Variants in SULF1 observed in about 807,000 individuals in gnomAD.
SULF1 encodes the protein extracellular sulfatase Sulf-1.
In SULF1, 46 loss-of-function variants were observed where a neutral mutation model predicts 110.5. The ratio of observed to expected loss-of-function variants is 0.42; its 90% CI spans 0.33 to 0.53. The LOEUF (loss-of-function observed/expected upper bound fraction) is 0.53, where lower values mean the gene tolerates loss of function less well. SULF1 is among the 20% of genes least tolerant of loss of function. The probability of loss-of-function intolerance (pLI) is 0.12; values close to 1 mark genes in which losing one functional copy is unlikely to be tolerated. For missense variants in SULF1, 941 were observed against 1,094.2 expected, an observed-to-expected ratio of 0.86 and a Z score of 1.98; for synonymous variants, 371 against 387.1, an observed-to-expected ratio of 0.96 and a Z score of 0.49.
chr8:69,635,656 G>T (rs1045132387), intron 19 of SULF1, among the ~76,000 whole-genome samples: 1 of 152,158 alleles, frequency 6.6e-6, no homozygotes, highest in Non-Finnish European at 1.5e-5. Flanking sequence ...CAGATCGCTT[G>T]AGTGTCGGAG....
In SULF1 at chr8:69,629,526, A is replaced by G. The variant is rs1286513947; in HGVS notation, c.2131A>G (p.Ser711Gly). 6.2e-7 allele frequency: 1 copy of G among 1,613,464 alleles called. No individual in the cohort carries two copies. The highest frequency in any genetic ancestry group is 1.3e-5 in the African/African-American group (1 of 75,008). Reference protein sequence around the residue: ...PFKEAAQEVDSKLQLFKENNR... With the variant: ...PFKEAAQEVDGKLQLFKENNR... ...CAGGGAGGCTGCTCAGGAAGTAGAT[A>G]GCAAACTGCAACTTTTCAAGGAGAA... Residue 711 changes from serine (S) to glycine (G), a missense_variant, in exon 19 of 23, where the codon AGC (serine) becomes GGC (glycine). Coordinates refer to ENST00000402687, the MANE Select transcript of SULF1 (RefSeq NM_001128205.2).
At position 69,648,150 on chromosome 8, in the gene SULF1, AAAAC is replaced by A. The variant is rs568854075; in HGVS notation, c.2585+7313_2585+7316del. 7.6e-3 allele frequency among the ~76,000 whole-genome samples: 1,148 copies of A among 151,414 alleles called. 11 individuals are homozygous for A. The highest frequency in any genetic ancestry group is 0.026 in the African/African-American group (1,077 of 41,006). On this transcript the variant is annotated intron_variant, in intron 22 of 22. Transcript: ENST00000402687. ...ACCCTGTGCCTTCAGAAAAAAAAAA[AAAAC>A]AAAGAGCTCAGCAAAACATGGAAGG...
intron 3 of SULF1, among the ~76,000 whole-genome samples, chr8:69,505,947 T>C (rs1811161063): frequency 1.3e-5 from 2 of 152,116 alleles, no homozygotes; most frequent in South Asian, 2.1e-4. Context: ...CTTTTCTTTA[T>C]AAGTATATAC....
chr8:69,658,252 C>T (rs571671200), intron 22 of SULF1, among the ~76,000 whole-genome samples: 2 of 152,232 alleles, frequency 1.3e-5, no homozygotes, highest in South Asian at 2.1e-4. Flanking sequence ...CTGAAAGGAC[C>T]GTGCCATTTT....
intron 3 of SULF1, among the ~76,000 whole-genome samples, chr8:69,545,758 A>G (rs1368144521): frequency 6.6e-6 from 1 of 152,088 alleles, no homozygotes. Context: ...GTGCAATGGC[A>G]CAATCTTGGC....
chr8:69,607,754 A>G, intron 13 of SULF1, among the ~76,000 whole-genome samples: 1 of 152,220 alleles, frequency 6.6e-6, no homozygotes, highest in East Asian at 1.9e-4. Context: ...TGGCGACAGT[A>G]TCCCTGACTT....
At chr8:69,575,720 C>G (rs1805560569) in intron 5 of SULF1, among the ~76,000 whole-genome samples, 1 of 151,748 alleles carries the variant, frequency 6.6e-6, no homozygotes, top group African/African-American at 2.4e-5. Flanking sequence ...ATCAGATTAG[C>G]CTGCATTTTT....
intron 22 of SULF1, among the ~76,000 whole-genome samples, chr8:69,644,475 C>A (rs745927272): frequency 1.3e-5 from 2 of 152,090 alleles, no homozygotes; most frequent in Non-Finnish European, 2.9e-5. Flanking sequence ...TTCACCAGCA[C>A]CACCAAACTC....
rs781717899 is a variant in SULF1, at chr8:69,544,038, G to T, written c.-133-19501G>T. ...GTTTATCAAATTATATTCATTTCAT[G>T]GTAGTTATGCATAAATCAAATTGGC... is the stretch of plus-strand genomic sequence containing the variant. On this transcript the variant is annotated intron_variant, in intron 3 of 22. Transcript: ENST00000402687. 3.2e-4 allele frequency among the ~76,000 whole-genome samples: 48 copies of T among 152,120 alleles called. 1 individual carries two copies. The highest frequency in any genetic ancestry group is 5.1e-4 in the Non-Finnish European group (35 of 68,006).
chr8:69,629,105 C>A (rs1810325095), intron 18 of SULF1, among the ~76,000 whole-genome samples: 1 of 152,142 alleles, frequency 6.6e-6, no homozygotes, highest in Admixed American at 6.5e-5. Context: ...GCAATCTTGG[C>A]TAACTACAAC....
chr8:69,506,013 G>A (rs545709025), intron 3 of SULF1, among the ~76,000 whole-genome samples: 59 of 152,114 alleles, frequency 3.9e-4, no homozygotes, highest in Non-Finnish European at 5.6e-4. Flanking sequence ...TACAAAAGCA[G>A]TGATTTCATA....
At chr8:69,522,414 G>T (rs1812371557) in intron 3 of SULF1, among the ~76,000 whole-genome samples, 1 of 152,176 alleles carries the variant, frequency 6.6e-6, no homozygotes, top group African/African-American at 2.4e-5. Context: ...GATTAGAAAG[G>T]CTGCAGTTGA....
Position 69,469,556 on chromosome 8 carries a change from G to A in SULF1, c.-391+2606G>A, listed in dbSNP as rs1025413625. Among the ~76,000 whole-genome samples the A allele has an allele frequency of 3.9e-5, 6 of 152,126 alleles. No individual in the cohort carries two copies. The East Asian group carries it at 1.2e-3, about 29-fold the overall frequency. ...AGGAACCTCCATCAGGAAACTAGAA[G>A]GGTTCTACTCTGTTTTCCTTCTAAG... On this transcript the variant is annotated intron_variant, in intron 1 of 22. Coordinates refer to the SULF1 transcript ENST00000260128.
intron 1 of SULF1, among the ~76,000 whole-genome samples, chr8:69,472,826 T>A (rs2150531535): frequency 6.6e-6 from 1 of 152,308 alleles, no homozygotes; most frequent in African/African-American, 2.4e-5. Context: ...GTATTAAACT[T>A]TTTAAATTTT....
At chr8:69,497,982 T>C (rs113824198) in intron 2 of SULF1, among the ~76,000 whole-genome samples, 1,672 of 152,312 alleles carry the variant, frequency 0.011, 13 homozygotes, top group Middle Eastern at 0.048. Context: ...AATCACCATA[T>C]GTCCAACATT....
intron 6 of SULF1, among the ~76,000 whole-genome samples, chr8:69,577,210 T>A (rs369499787): frequency 5.0e-4 from 76 of 152,336 alleles, no homozygotes; most frequent in African/African-American, 1.8e-3. Flanking sequence ...CTAGGTTACG[T>A]AGAGGTTACA....
chr8:69,491,116 G>A (rs555214995), upstream of SULF1, among the ~76,000 whole-genome samples: 1 of 152,296 alleles, frequency 6.6e-6, no homozygotes, highest in South Asian at 2.1e-4. Flanking sequence ...GTACTGCATA[G>A]ACACACCCCA....
chr8:69,654,017 GC>G (rs776850703), intron 22 of SULF1, among the ~76,000 whole-genome samples: 12 of 152,138 alleles, frequency 7.9e-5, no homozygotes, highest in Non-Finnish European at 1.6e-4. Flanking sequence ...ACCTCCTAGG[GC>G]AAGGCCACTC....
intron 3 of SULF1, among the ~76,000 whole-genome samples, chr8:69,510,945 T>TACAC (rs56386460): frequency 0.015 from 2,165 of 141,160 alleles, 24 homozygotes; most frequent in East Asian, 0.04. Context: ...ATATCATCAT[T>TACAC]ACACACACAC....
Sources: allele counts gnomAD v4.1 joint callset (sites outside exome capture counted in the v4.1 genomes callset), GRCh38; gene constraint gnomAD v4.1.1; transcripts MANE v1.5; gene names NCBI Gene and HGNC (gene_info 2026-07-23, HGNC 2026-07-21).